Variants in ANKRD6 observed in about 807,000 individuals in gnomAD.
The protein encoded by ANKRD6 is ankyrin repeat domain-containing protein 6.
Under a neutral mutation model 82.3 loss-of-function variants are expected in ANKRD6, and 56 were observed. The ratio of observed to expected loss-of-function variants is 0.68; its 90% CI spans 0.55 to 0.85. The LOEUF is 0.85. ANKRD6 is among the 40% of genes least tolerant of loss of function. The probability of loss-of-function intolerance (pLI) is 0.00; values close to 1 mark genes in which losing one functional copy is unlikely to be tolerated. For missense variants in ANKRD6, 852 were observed against 907.6 expected (o/e 0.94, Z 0.79); for synonymous variants, 347 against 352.1 (o/e 0.99, Z 0.16).
At chr6:89,559,706 C>G (rs1787118402) in intron 1 of ANKRD6, among the ~76,000 whole-genome samples, 1 of 152,154 alleles carries the variant, frequency 6.6e-6, no homozygotes, top group African/African-American at 2.4e-5. Flanking sequence ...GTCCAATGCT[C>G]TGGTGCTGAC....
At chr6:89,492,381 G>A (rs1388710701) in intron 1 of ANKRD6, among the ~76,000 whole-genome samples, 1 of 152,138 alleles carries the variant, frequency 6.6e-6, no homozygotes, top group Non-Finnish European at 1.5e-5. Context: ...TGCCTCTTAG[G>A]TAATGGCTCT....
intron 1 of ANKRD6, among the ~76,000 whole-genome samples, chr6:89,442,753 T>C (rs953698178): frequency 6.6e-6 from 1 of 151,986 alleles, no homozygotes; most frequent in Non-Finnish European, 1.5e-5. Flanking sequence ...AGATCTGGAA[T>C]CAGTAGACAG....
At chr6:89,470,965 A>G (rs1030361311) in intron 1 of ANKRD6, among the ~76,000 whole-genome samples, 8 of 152,096 alleles carry the variant, frequency 5.3e-5, no homozygotes, top group African/African-American at 1.9e-4. Context: ...ATGGCTTTAT[A>G]TATATGTTTA....
At chr6:89,513,845 A>G (rs560449658) in intron 1 of ANKRD6, among the ~76,000 whole-genome samples, 12 of 152,382 alleles carry the variant, frequency 7.9e-5, no homozygotes, top group African/African-American at 2.4e-4. Context: ...CTCCCTATTT[A>G]TGGCATGGCA....
chr6:89,498,069 CA>C (rs1481642222), intron 1 of ANKRD6, among the ~76,000 whole-genome samples: 2 of 152,078 alleles, frequency 1.3e-5, no homozygotes, highest in Non-Finnish European at 2.9e-5. Context: ...GGATTTAAAA[CA>C]AATAAAAACA....
chr6:89,445,922 C>A (rs574254801), intron 1 of ANKRD6, among the ~76,000 whole-genome samples: 1 of 152,182 alleles, frequency 6.6e-6, no homozygotes, highest in Non-Finnish European at 1.5e-5. Flanking sequence ...TTTGGGACAC[C>A]ATGAATTGTG....
intron 2 of ANKRD6, among the ~76,000 whole-genome samples, chr6:89,589,702 T>C (rs1247287034): frequency 1.3e-5 from 2 of 152,262 alleles, no homozygotes; most frequent in Non-Finnish European, 2.9e-5. Context: ...GATGTTCCCA[T>C]GCAGCAGTTA....
intron 2 of ANKRD6, among the ~76,000 whole-genome samples, chr6:89,592,341 G>A (rs1795070726): frequency 1.3e-5 from 2 of 152,184 alleles, no homozygotes; most frequent in South Asian, 4.1e-4. Context: ...GCTAGATGAT[G>A]GACGTTACCT....
At chr6:89,438,277 G>C (rs1770896715) in intron 1 of ANKRD6, among the ~76,000 whole-genome samples, 1 of 152,204 alleles carries the variant, frequency 6.6e-6, no homozygotes, top group African/African-American at 2.4e-5. Flanking sequence ...CTCCTGGGTA[G>C]CTGTCCTTCA....
At chr6:89,589,085 G>A (rs1031958600) in intron 2 of ANKRD6, among the ~76,000 whole-genome samples, 7 of 151,880 alleles carry the variant, frequency 4.6e-5, no homozygotes, top group African/African-American at 1.7e-4. Flanking sequence ...CTGTTGGGAC[G>A]GGTCTTGTCC....
At chr6:89,504,335 T>C (rs1779592305) in intron 1 of ANKRD6, among the ~76,000 whole-genome samples, 1 of 152,128 alleles carries the variant, frequency 6.6e-6, no homozygotes, top group Non-Finnish European at 1.5e-5. Flanking sequence ...TTGTAGGTTC[T>C]CCATAGAGGG....
At chr6:89,544,438 G>A (rs1476641912) in intron 1 of ANKRD6, among the ~76,000 whole-genome samples, 2 of 152,164 alleles carry the variant, frequency 1.3e-5, no homozygotes, top group Admixed American at 6.5e-5. Context: ...AGTCCTGTCC[G>A]GGCACAGTGG....
chr6:89,488,739 G>A (rs1186933906), intron 1 of ANKRD6, among the ~76,000 whole-genome samples: 1 of 152,166 alleles, frequency 6.6e-6, no homozygotes. Context: ...GACTCATTTT[G>A]ATCAAGAACA....
Position 89,624,607 on chromosome 6 carries a change from G to A in ANKRD6, c.1287G>A (p.Val429=). The A allele has an allele frequency of 6.4e-7, 1 of 1,570,320 alleles. No individual in the cohort carries two copies. Among genetic ancestry groups the A allele is most frequent in the Admixed American group, 1.9e-5 (1 of 53,318 alleles). The change falls in exon 13 of 16, where the codon GTG becomes GTA. Residue 429 remains valine (V), a synonymous_variant. Coordinates refer to ENST00000339746, the MANE Select transcript of ANKRD6 (RefSeq NM_001242809.2). ...NKLENQLEAT[V]EEIKAELGSV... is the part of the protein sequence containing the mutation. ...TGGAGAATCAGTTGGAGGCTACTGTGGAGGAGATAAAAGCAGAGCTGGGAT... is the reference window on the plus strand; with the variant it reads ...TGGAGAATCAGTTGGAGGCTACTGTAGAGGAGATAAAAGCAGAGCTGGGAT...
chr6:89,577,202 A>G (rs949943985), intron 2 of ANKRD6, among the ~76,000 whole-genome samples: 1 of 151,862 alleles, frequency 6.6e-6, no homozygotes, highest in African/African-American at 2.4e-5. Flanking sequence ...CTCAAGCAGA[A>G]GCCCAAAGCC....
intron 1 of ANKRD6, among the ~76,000 whole-genome samples, chr6:89,504,341 G>A (rs562844496): frequency 6.6e-6 from 1 of 152,240 alleles, no homozygotes; most frequent in East Asian, 1.9e-4. Flanking sequence ...GTTCTCCATA[G>A]AGGGTAGCTG....
chr6:89,435,121 A>C (rs1357398004), intron 1 of ANKRD6, among the ~76,000 whole-genome samples: 1 of 152,232 alleles, frequency 6.6e-6, no homozygotes, highest in Non-Finnish European at 1.5e-5. Context: ...CCTGCGATCC[A>C]ACTCAGCTTA....
At chr6:89,461,852 T>C (rs1774186438) in intron 1 of ANKRD6, among the ~76,000 whole-genome samples, 1 of 152,172 alleles carries the variant, frequency 6.6e-6, no homozygotes, top group Admixed American at 6.5e-5. Context: ...CTGAGTTTTG[T>C]ACAATTCATA....
intron 1 of ANKRD6, among the ~76,000 whole-genome samples, chr6:89,512,715 G>A (rs928531919): frequency 6.6e-6 from 1 of 152,184 alleles, no homozygotes; most frequent in South Asian, 2.1e-4. Context: ...AATAAGCTTA[G>A]CAAATGGCTG....
Sources: gnomAD v4.1 joint callset for allele counts (sites outside exome capture counted in the v4.1 genomes callset) on GRCh38, gnomAD v4.1.1 for gene constraint, MANE v1.5 for transcripts, NCBI Gene and HGNC (gene_info 2026-07-23, HGNC 2026-07-21) for gene names.